The following SELENOI variants were observed in gnomAD, a reference collection of about 807,000 sequenced individuals.
SELENOI encodes the protein selenoprotein I, also known as ethanolaminephosphotransferase 1.
SELENOI carries 24 observed loss-of-function variants against 50.7 expected under a neutral mutation model. The observed-to-expected ratio is 0.47, with a 90% CI of 0.34 to 0.67. The LOEUF (loss-of-function observed/expected upper bound fraction) is 0.67, where lower values mean the gene tolerates loss of function less well. Among genes scored for constraint, SELENOI ranks in the 30% least tolerant of loss-of-function variants. SELENOI has a pLI of 0.01. For missense variants in SELENOI, 352 were observed against 461.4 expected (o/e 0.76, Z 2.17); for synonymous variants, 155 against 170.2 (o/e 0.91, Z 0.70).
chr2:26,371,251 C>T lies in SELENOI; in HGVS notation c.311-2116C>T, dbSNP rs547383259. Among the ~76,000 whole-genome samples the T allele has an allele frequency of 1.4e-4, 21 of 151,870 alleles. No individual in the cohort carries two copies. The East Asian group carries it at 4.1e-3, about 30-fold the overall frequency. On this transcript the variant is annotated intron_variant, in intron 4 of 9. Coordinates refer to ENST00000260585, the MANE Select transcript of SELENOI (RefSeq NM_033505.4). ...GGCTGCCAGGCGGAGAGGCTCCTCA[C>T]TTCTCAGACGGGGTGGCCGGGCAGA...
At chr2:26,358,342 G>A (rs1221983360) in intron 1 of SELENOI, among the ~76,000 whole-genome samples, 1 of 152,102 alleles carries the variant, frequency 6.6e-6, no homozygotes, top group Non-Finnish European at 1.5e-5. Flanking sequence ...AGCCGAGATC[G>A]CTGCCACTGT....
intron 7 of SELENOI, 65 bp downstream of exon 7, chr2:26,383,412 T>C: frequency 8.7e-7 from 1 of 1,155,984 alleles, no homozygotes; most frequent in Admixed American, 2.3e-5. Flanking sequence ...TAGCTGAACT[T>C]AGGGATCTAT....
intron 4 of SELENOI, among the ~76,000 whole-genome samples, chr2:26,370,990 C>T (rs1677422244): frequency 7.0e-6 from 1 of 142,462 alleles, no homozygotes; most frequent in Admixed American, 6.9e-5. Flanking sequence ...GACCCCCCCA[C>T]CTCCCTCCCG....
intron 4 of SELENOI, among the ~76,000 whole-genome samples, chr2:26,367,657 T>C (rs1252163840): frequency 5.3e-5 from 8 of 152,230 alleles, no homozygotes; most frequent in African/African-American, 1.7e-4. Flanking sequence ...GACATCATTT[T>C]TCTTAAGTTT....
At chr2:26,362,095 G>C in intron 1 of SELENOI, among the ~76,000 whole-genome samples, 1 of 152,184 alleles carries the variant, frequency 6.6e-6, no homozygotes, top group Non-Finnish European at 1.5e-5. Flanking sequence ...TTGACTCTTT[G>C]CTAAAAGAGT....
intron 1 of SELENOI, among the ~76,000 whole-genome samples, chr2:26,359,504 G>A (rs560186168): frequency 4.9e-4 from 74 of 152,216 alleles, no homozygotes; most frequent in Non-Finnish European, 1.0e-3. Flanking sequence ...TTAGCCAGGT[G>A]TGGTGGCGGG....
intron 7 of SELENOI, among the ~76,000 whole-genome samples, chr2:26,383,637 G>A (rs1431353144): frequency 6.6e-6 from 1 of 152,136 alleles, no homozygotes; most frequent in African/African-American, 2.4e-5. Context: ...CCAACACTTT[G>A]GGAGGCCGAG....
At chr2:26,385,891 G>A (rs1677829008) in intron 8 of SELENOI, among the ~76,000 whole-genome samples, 1 of 152,120 alleles carries the variant, frequency 6.6e-6, no homozygotes. Flanking sequence ...TTCAAGTAAG[G>A]TCTTCAAAAA....
chr2:26,353,646 A>G (rs1050349776), intron 1 of SELENOI, among the ~76,000 whole-genome samples: 2 of 152,230 alleles, frequency 1.3e-5, no homozygotes, highest in African/African-American at 4.8e-5. Flanking sequence ...AGTGATTTAT[A>G]TATGTCTGGC....
chr2:26,348,300 G>T (rs1221184143), intron 1 of SELENOI, among the ~76,000 whole-genome samples: 1 of 152,156 alleles, frequency 6.6e-6, no homozygotes, highest in Non-Finnish European at 1.5e-5. Flanking sequence ...AAGATATTTT[G>T]TATTCCCTCA....
In SELENOI at chr2:26,364,381, T is replaced by G; in HGVS notation, c.126+11T>G. 5 of 1,506,922 alleles carry G rather than the reference T, an allele frequency of 3.3e-6. No homozygotes were observed. Among genetic ancestry groups the G allele is most frequent in the Non-Finnish European group, 4.5e-6 (5 of 1,105,612 alleles). The allele number at this position is 1,506,922 out of a possible 1,614,324, so 93.3% of individuals were successfully genotyped here. Reference sequence around the variant, plus strand: ...AACACTATAGTAAAGGTAAGATAATTAATATGTATGTACTTTTTGTTTTAG... The same window carrying G: ...AACACTATAGTAAAGGTAAGATAATGAATATGTATGTACTTTTTGTTTTAG... On this transcript the variant is annotated intron_variant, in intron 2 of 9. Coordinates refer to ENST00000260585, the MANE Select transcript of SELENOI (RefSeq NM_033505.4).
chr2:26,364,950 T>C lies in SELENOI; in HGVS notation c.235+10T>C, dbSNP rs1677257005. On this transcript the variant is annotated intron_variant, in intron 3 of 9. Transcript: ENST00000260585. ...GACTTTTATGCCTCAGGTAAGAATA[T>C]TACTTTATTATAAAATTTAACTGAG... 2 of 1,524,080 alleles carry C rather than the reference T, an allele frequency of 1.3e-6. No homozygotes were observed. Among genetic ancestry groups the C allele is most frequent in the Non-Finnish European group, 1.8e-6 (2 of 1,128,530 alleles). The allele number at this position is 1,524,080 out of a possible 1,614,324, so 94.4% of individuals were successfully genotyped here.
chr2:26,349,953 A>AG (rs904131914), intron 1 of SELENOI, among the ~76,000 whole-genome samples: 9 of 150,586 alleles, frequency 6.0e-5, no homozygotes, highest in African/African-American at 2.2e-4. Flanking sequence ...AAAAAAAAAA[A>AG]AAAAAATTAG....
intron 4 of SELENOI, among the ~76,000 whole-genome samples, chr2:26,371,130 C>A (rs1399218116): frequency 2.1e-5 from 3 of 145,378 alleles, no homozygotes; most frequent in African/African-American, 7.8e-5. Flanking sequence ...CCCTCCCGGA[C>A]GGGGCGGCTG....
chr2:26,363,463 C>T (rs1677224340), intron 1 of SELENOI, among the ~76,000 whole-genome samples: 1 of 152,070 alleles, frequency 6.6e-6, no homozygotes, highest in Admixed American at 6.6e-5. Flanking sequence ...TTTTGCTGAT[C>T]CTGCATAATA....
At chr2:26,371,734 G>A (rs1187486201) in intron 4 of SELENOI, among the ~76,000 whole-genome samples, 4 of 152,218 alleles carry the variant, frequency 2.6e-5, no homozygotes, top group South Asian at 2.1e-4. Context: ...GGCGGCGTGC[G>A]CCTGCAATTG....
chr2:26,380,236 T>C (rs1310666493), intron 6 of SELENOI, among the ~76,000 whole-genome samples: 4 of 152,260 alleles, frequency 2.6e-5, no homozygotes, highest in African/African-American at 7.2e-5. Flanking sequence ...CAATCCTTTC[T>C]TTCCTCAGAG....
chr2:26,388,446 TGGCC>T (rs950937144), intron 9 of SELENOI, among the ~76,000 whole-genome samples: 4 of 152,202 alleles, frequency 2.6e-5, no homozygotes, highest in African/African-American at 9.6e-5. Context: ...CTACAACTTC[TGGCC>T]AGAAGTTAAA....
At chr2:26,373,736 T>G in intron 5 of SELENOI, 107 bp downstream of exon 5, 1 of 1,167,912 alleles carries the variant, frequency 8.6e-7, no homozygotes, top group Non-Finnish European at 1.2e-6. Flanking sequence ...AGAATTGATA[T>G]GTACTTAAAA....
Sources: gnomAD v4.1 joint callset for allele counts (sites outside exome capture counted in the v4.1 genomes callset) on GRCh38, gnomAD v4.1.1 for gene constraint, MANE v1.5 for transcripts, NCBI Gene and HGNC (gene_info 2026-07-23, HGNC 2026-07-21) for gene names.